The following PHF21B variants were observed in gnomAD, a reference collection of about 807,000 sequenced individuals.
PHF21B encodes the protein PHD finger protein 4.
Under a neutral mutation model 62.2 loss-of-function variants are expected in PHF21B, and 22 were observed. The ratio of observed to expected loss-of-function variants is 0.35; its 90% CI spans 0.25 to 0.51. PHF21B has a LOEUF of 0.51. Ranked by LOEUF, PHF21B falls within the 20% of genes least tolerant of loss-of-function variation. The probability of loss-of-function intolerance (pLI) is 0.97; values close to 1 mark genes in which losing one functional copy is unlikely to be tolerated. For synonymous variants in PHF21B, 341 were observed against 314.7 expected (o/e 1.08, Z -0.88); for missense variants, 701 against 707.9 (o/e 0.99, Z 0.11).
At chr22:44,907,460 G>A (rs1339049460) in intron 5 of PHF21B, among the ~76,000 whole-genome samples, 2 of 152,226 alleles carry the variant, frequency 1.3e-5, no homozygotes, top group Non-Finnish European at 2.9e-5. Context: ...CGTCCCGCAC[G>A]TGCCTGGTGC....
At chr22:44,958,945 C>A (rs2072360894) in intron 2 of PHF21B, among the ~76,000 whole-genome samples, 1 of 152,090 alleles carries the variant, frequency 6.6e-6, no homozygotes, top group East Asian at 1.9e-4. Context: ...CCGGCCCCTC[C>A]TTTGATCATT....
chr22:45,009,517 G>T lies in PHF21B; in HGVS notation c.33C>A (p.Ala11=). 1 of 1,566,930 alleles carries T rather than the reference G, an allele frequency of 6.4e-7. No homozygotes were observed. Among genetic ancestry groups the T allele is most frequent in the Non-Finnish European group, 8.6e-7 (1 of 1,165,768 alleles). ...CTACCTGGTGGCGCGCGAGTTCCAC[G>T]GCGAGCGCCTCGGGCCGGCTCTGCA... MELQSRPEAL[A]VELARHQNGD... The change falls in exon 1 of 13, where the codon GCC becomes GCA. Residue 11 remains alanine, a synonymous_variant. Coordinates refer to ENST00000313237, the MANE Select transcript of PHF21B (RefSeq NM_138415.5). This position sits in a 1 kb window ranked among gnomAD's most constrained non-coding sequence, Gnocchi z 5.9.
chr22:45,007,309 T>C (rs1465542651), intron 2 of PHF21B, among the ~76,000 whole-genome samples: 2 of 151,732 alleles, frequency 1.3e-5, no homozygotes, highest in African/African-American at 2.4e-5. Context: ...GGCCTCCGAA[T>C]TCTCTCTCGC....
chr22:44,910,760 G>T (rs184826658), intron 5 of PHF21B, among the ~76,000 whole-genome samples: 1 of 152,280 alleles, frequency 6.6e-6, no homozygotes, highest in Admixed American at 6.5e-5. Context: ...AGTGTAAAAT[G>T]GACTAATACA....
In PHF21B at chr22:45,009,980, C is replaced by G. The variant is rs2073394974; in HGVS notation, c.-431G>C. On this transcript the variant is annotated 5_prime_UTR_variant, in exon 1 of 13. Transcript: ENST00000313237. The surrounding 1 kb of genome is among the most constrained non-coding windows in gnomAD (Gnocchi z 5.9). ...CTCGTTGGGCCTCGGCAAAGTTGTG[C>G]CTCGGCACGATGCTAATTCGGCAGT... The G allele has an allele frequency of 6.8e-6, 1 of 146,352 alleles. No homozygotes were observed. Among genetic ancestry groups the G allele is most frequent in the African/African-American group, 2.5e-5 (1 of 40,718 alleles). 9.1% of individuals were successfully genotyped at this position (146,352 alleles called of 1,614,324 possible).
At chr22:44,996,249 G>GTAA (rs1381824642) in intron 2 of PHF21B, among the ~76,000 whole-genome samples, 1 of 152,114 alleles carries the variant, frequency 6.6e-6, no homozygotes, top group African/African-American at 2.4e-5. Context: ...ACCTCAGGTT[G>GTAA]TAATTACACA....
Position 44,977,373 on chromosome 22 carries a change from T to C in PHF21B, c.120+31172A>G, listed in dbSNP as rs545170763. Among the ~76,000 whole-genome samples the C allele has an allele frequency of 2.8e-3, 422 of 152,206 alleles. 1 individual carries two copies. The highest frequency in any genetic ancestry group is 5.0e-3 in the Non-Finnish European group (341 of 68,024). ...AGAGGTCAGGAGTTTGAGACCAGCC[T>C]GGCCAACATGGTGAAACCCCATCTT... is the stretch of plus-strand genomic sequence containing the variant. On this transcript the variant is annotated intron_variant, in intron 2 of 12. Coordinates refer to ENST00000313237, the MANE Select transcript of PHF21B (RefSeq NM_138415.5).
intron 2 of PHF21B, among the ~76,000 whole-genome samples, chr22:44,943,544 G>C (rs563400055): frequency 6.6e-6 from 1 of 152,138 alleles, no homozygotes; most frequent in Non-Finnish European, 1.5e-5. Flanking sequence ...GTGGGGACAC[G>C]GGCAGCTGCA....
chr22:44,906,018 G>T (rs997996969), intron 5 of PHF21B, among the ~76,000 whole-genome samples: 1 of 152,174 alleles, frequency 6.6e-6, no homozygotes, highest in Admixed American at 6.5e-5. Context: ...AGAGAAGCCT[G>T]GTCAACTTGT....
intron 2 of PHF21B, among the ~76,000 whole-genome samples, chr22:44,973,123 T>C (rs988511015): frequency 2.6e-5 from 4 of 152,182 alleles, no homozygotes; most frequent in Non-Finnish European, 5.9e-5. Flanking sequence ...CGGTGGAGTC[T>C]GTGTGTCTGT....
rs1753421382 is a variant in PHF21B at position 45,009,117 on chromosome 22, G to C, written c.54+379C>G. 9 of 898,620 alleles carry C rather than the reference G, an allele frequency of 1.0e-5. No homozygotes were observed. The highest frequency in any genetic ancestry group is 1.3e-5 in the Non-Finnish European group (9 of 701,436). The allele number at this position is 898,620 out of a possible 1,614,324, so 55.7% of individuals were successfully genotyped here. On this transcript the variant is annotated intron_variant, in intron 1 of 12. Transcript: ENST00000313237. This position sits in a 1 kb window ranked among gnomAD's most constrained non-coding sequence, Gnocchi z 5.9. ...AAAACTACTTCTGCACACCGGGCAGGTTCGCCCGGGGCGCGGGGGCCCGAG... is the reference window on the plus strand; with the variant it reads ...AAAACTACTTCTGCACACCGGGCAGCTTCGCCCGGGGCGCGGGGGCCCGAG...
At chr22:44,884,681 C>T (rs1012587610) in intron 12 of PHF21B, among the ~76,000 whole-genome samples, 2 of 151,838 alleles carry the variant, frequency 1.3e-5, no homozygotes, top group South Asian at 2.1e-4. Flanking sequence ...TCACCATCAT[C>T]ACCATCATCA....
intron 2 of PHF21B, among the ~76,000 whole-genome samples, chr22:44,978,395 C>A (rs570610330): frequency 6.6e-6 from 1 of 151,982 alleles, no homozygotes; most frequent in Admixed American, 6.6e-5. Context: ...AGACTCCCTG[C>A]GATGCCCAGG....
In PHF21B at chr22:44,888,086, G is replaced by A; in HGVS notation, c.1074C>T (p.Cys358=). The A allele has an allele frequency of 1.9e-6, 3 of 1,546,950 alleles. No homozygotes were observed. Among genetic ancestry groups the A allele is most frequent in the South Asian group, 2.4e-5 (2 of 83,506 alleles). ...AGGGCTGCAGGTTGGCCCCTCGCTT[G>A]CAGGCGGCACAGTGCTCATCGTGGG... ...EITHDEHCAA[C]KRGANLQPCG... is the part of the protein sequence containing the mutation. The change falls in exon 10 of 13, where the codon TGC becomes TGT. Residue 358 remains cysteine (C), a synonymous_variant. Coordinates refer to ENST00000313237, the MANE Select transcript of PHF21B (RefSeq NM_138415.5).
intron 2 of PHF21B, among the ~76,000 whole-genome samples, chr22:44,947,534 G>T (rs1165686540): frequency 6.6e-6 from 1 of 152,210 alleles, no homozygotes; most frequent in African/African-American, 2.4e-5. Context: ...GGTGTGCTGG[G>T]TGCATCTCCT....
chr22:44,993,314 C>A (rs527836425), intron 2 of PHF21B, among the ~76,000 whole-genome samples: 1 of 152,286 alleles, frequency 6.6e-6, no homozygotes, highest in East Asian at 1.9e-4. Context: ...TCACACCTCA[C>A]CCAGCCTCAG....
In PHF21B at chr22:44,914,924, T is replaced by C. The variant is rs573183058; in HGVS notation, c.565-836A>G. On this transcript the variant is annotated intron_variant, in intron 4 of 12. Coordinates refer to ENST00000313237, the MANE Select transcript of PHF21B (RefSeq NM_138415.5). ...TTTGGACAGGAAATTGGGAAAGAATTATTAGTTTTCACGGCTCCAAGAAGA... is the reference window on the plus strand; with the variant it reads ...TTTGGACAGGAAATTGGGAAAGAATCATTAGTTTTCACGGCTCCAAGAAGA... Among the ~76,000 whole-genome samples, 16 of 152,318 alleles carry C rather than the reference T, an allele frequency of 1.1e-4. No individual in the cohort carries two copies. In the East Asian group the frequency reaches 3.1e-3, roughly 29 times the overall value.
intron 2 of PHF21B, among the ~76,000 whole-genome samples, chr22:44,945,718 G>C (rs890921830): frequency 1.9e-4 from 4 of 20,544 alleles, no homozygotes; most frequent in African/African-American, 4.5e-4. Context: ...GGCAGAATTG[G>C]GGGGGGGGTG....
At chr22:44,963,397 G>A (rs947621130) in intron 2 of PHF21B, among the ~76,000 whole-genome samples, 4 of 152,310 alleles carry the variant, frequency 2.6e-5, no homozygotes, top group Admixed American at 2.6e-4. Flanking sequence ...TCACTGTTAA[G>A]GATTTTGTTT....
Sources: gnomAD v4.1 joint callset for allele counts (sites outside exome capture counted in the v4.1 genomes callset) on GRCh38, gnomAD v4.1.1 for gene constraint, Gnocchi (gnomAD v3.1) non-coding constraint, MANE v1.5 for transcripts, NCBI Gene and HGNC (gene_info 2026-07-23, HGNC 2026-07-21) for gene names.